GBE1: variants seen among roughly 807,000 people sequenced by gnomAD.
The protein encoded by GBE1 is 1,4-alpha-glucan-branching enzyme.
A neutral mutation model predicts 88.8 loss-of-function variants in GBE1; 70 were observed. The observed-to-expected ratio is 0.79, with a 90% CI of 0.65 to 0.96. GBE1 has a LOEUF of 0.96. Ranked by LOEUF, GBE1 falls within the 40% of genes least tolerant of loss-of-function variation. The pLI, the probability that GBE1 is intolerant of heterozygous loss-of-function variation, is 0.00. For missense variants in GBE1, 872 were observed against 871.0 expected (o/e 1.00, Z -0.01); for synonymous variants, 284 against 300.1 (o/e 0.95, Z 0.56).
intron 3 of GBE1, among the ~76,000 whole-genome samples, chr3:81,669,459 CCA>C (rs959050529): frequency 4.6e-5 from 7 of 152,250 alleles, no homozygotes; most frequent in South Asian, 2.1e-4. Flanking sequence ...AGTTGCCTTG[CCA>C]CAGTTTCTAT....
chr3:81,517,325 T>C (rs979896673), intron 14 of GBE1, among the ~76,000 whole-genome samples: 3 of 151,582 alleles, frequency 2.0e-5, no homozygotes, highest in African/African-American at 4.8e-5. Context: ...TTTTAAATTA[T>C]GGCATGTACA....
rs1214923422 is a variant in GBE1 at position 81,746,455 on chromosome 3, T to A, written c.143+14920A>T. Among the ~76,000 whole-genome samples, 3 of 152,170 alleles carry A rather than the reference T, an allele frequency of 2.0e-5. No homozygotes were observed. In the South Asian group the frequency reaches 6.2e-4, roughly 32 times the overall value. ...TTTTTATTTTTGGACAGATGGGATCTCACTGTATTGCCCAGGCTGGTCTCA... is the reference window on the plus strand; with the variant it reads ...TTTTTATTTTTGGACAGATGGGATCACACTGTATTGCCCAGGCTGGTCTCA... On this transcript the variant is annotated intron_variant, in intron 1 of 15. Transcript: ENST00000429644.
chr3:81,607,086 G>C (rs1262570834), intron 7 of GBE1, among the ~76,000 whole-genome samples: 1 of 152,090 alleles, frequency 6.6e-6, no homozygotes, highest in East Asian at 1.9e-4. Flanking sequence ...ACTTCATTTT[G>C]GTCAATCATG....
intron 11 of GBE1, among the ~76,000 whole-genome samples, chr3:81,578,615 A>G (rs967915579): frequency 6.6e-6 from 1 of 151,850 alleles, no homozygotes; most frequent in Non-Finnish European, 1.5e-5. Context: ...AGTTGAGAAC[A>G]TTTATTTAAG....
chr3:81,546,987 C>T (rs1312505137), intron 12 of GBE1, among the ~76,000 whole-genome samples: 2 of 151,308 alleles, frequency 1.3e-5, no homozygotes, highest in African/African-American at 2.4e-5. Flanking sequence ...GACCCAAAGA[C>T]TAACTTTGGG....
At chr3:81,736,468 C>A (rs981271515) in intron 1 of GBE1, among the ~76,000 whole-genome samples, 1 of 152,162 alleles carries the variant, frequency 6.6e-6, no homozygotes, top group African/African-American at 2.4e-5. Flanking sequence ...ATTAAGTACA[C>A]ACATATTTGT....
At chr3:81,752,868 A>G (rs974059067) in intron 1 of GBE1, among the ~76,000 whole-genome samples, 1 of 152,196 alleles carries the variant, frequency 6.6e-6, no homozygotes, top group Non-Finnish European at 1.5e-5. Flanking sequence ...AGTGTTAAAG[A>G]AGCAAACAGT....
intron 8 of GBE1, among the ~76,000 whole-genome samples, chr3:81,591,492 C>A (rs982418772): frequency 2.0e-5 from 3 of 152,072 alleles, no homozygotes; most frequent in Non-Finnish European, 4.4e-5. Flanking sequence ...ATTGTCAATA[C>A]ATTTTCTGTC....
At chr3:81,652,607 T>C (rs1457290029) in intron 3 of GBE1, among the ~76,000 whole-genome samples, 1 of 152,186 alleles carries the variant, frequency 6.6e-6, no homozygotes, top group Non-Finnish European at 1.5e-5. Context: ...CTGTGATTGT[T>C]ACATAATAAA....
At chr3:81,562,659 T>C (rs1401023725) in intron 12 of GBE1, among the ~76,000 whole-genome samples, 1 of 152,102 alleles carries the variant, frequency 6.6e-6, no homozygotes, top group Non-Finnish European at 1.5e-5. Flanking sequence ...TAGCCATTTT[T>C]ACAGTAGTAG....
intron 7 of GBE1, among the ~76,000 whole-genome samples, chr3:81,614,295 G>A (rs1465919790): frequency 6.6e-6 from 1 of 152,034 alleles, no homozygotes; most frequent in African/African-American, 2.4e-5. Flanking sequence ...ATCTAGGGGG[G>A]GAAAAAACCC....
intron 14 of GBE1, among the ~76,000 whole-genome samples, chr3:81,508,048 T>TGAC (rs1411111223): frequency 6.6e-6 from 1 of 152,204 alleles, no homozygotes; most frequent in East Asian, 1.9e-4. Context: ...CCAGGTTAAT[T>TGAC]ATTGGATTAC....
intron 14 of GBE1, among the ~76,000 whole-genome samples, chr3:81,533,038 G>A (rs930908760): frequency 2.6e-5 from 4 of 151,624 alleles, no homozygotes; most frequent in Non-Finnish European, 4.4e-5. Flanking sequence ...TAAGACTTAC[G>A]TCGCAGTTTG....
chr3:81,720,833 A>C (rs1706017100), intron 1 of GBE1, among the ~76,000 whole-genome samples: 1 of 150,438 alleles, frequency 6.6e-6, no homozygotes, highest in Admixed American at 6.7e-5. Flanking sequence ...TGGATTAAGA[A>C]AATGTGGCAC....
At chr3:81,748,922 G>A (rs143392841) in intron 1 of GBE1, among the ~76,000 whole-genome samples, 4,318 of 148,176 alleles carry the variant, frequency 0.029, 226 homozygotes, top group African/African-American at 0.098. Flanking sequence ...CAGGAGAATC[G>A]CTTGAACCAG....
At chr3:81,613,098 C>A in intron 7 of GBE1, 1 of 559,534 alleles carries the variant, frequency 1.8e-6, no homozygotes, top group Non-Finnish European at 2.8e-6. Context: ...TGATGGATTC[C>A]GACCTTCCTT....
At chr3:81,601,755 T>C (rs1461556810) in intron 7 of GBE1, among the ~76,000 whole-genome samples, 1 of 152,216 alleles carries the variant, frequency 6.6e-6, no homozygotes, top group African/African-American at 2.4e-5. Flanking sequence ...AAATAAATCA[T>C]AAAGATAAGC....
intron 2 of GBE1, among the ~76,000 whole-genome samples, chr3:81,701,075 T>A (rs558966907): frequency 5.9e-5 from 9 of 152,288 alleles, no homozygotes; most frequent in African/African-American, 1.9e-4. Context: ...GTATTTTAAA[T>A]CACATCTAAT....
chr3:81,710,618 G>A lies in GBE1; in HGVS notation c.144-5005C>T, dbSNP rs537322361. Among the ~76,000 whole-genome samples, 9 of 151,866 alleles carry A rather than the reference G, an allele frequency of 5.9e-5. No individual in the cohort carries two copies. In the East Asian group the frequency reaches 9.7e-4, roughly 16 times the overall value. On this transcript the variant is annotated intron_variant, in intron 1 of 15. Transcript: ENST00000429644. Reference sequence around the variant, plus strand: ...TTTTTAACATGTTAATTGGGGGCTCGGGGGAACCTCATAGATTGTAAGGAA... The same window carrying A: ...TTTTTAACATGTTAATTGGGGGCTCAGGGGAACCTCATAGATTGTAAGGAA...
Sources: gnomAD v4.1 joint callset for allele counts (sites outside exome capture counted in the v4.1 genomes callset) on GRCh38, gnomAD v4.1.1 for gene constraint, MANE v1.5 for transcripts, NCBI Gene and HGNC (gene_info 2026-07-23, HGNC 2026-07-21) for gene names.